The following SEMA3C variants were observed in gnomAD, a reference collection of about 807,000 sequenced individuals.
The protein encoded by SEMA3C is semaphorin 3C.
SEMA3C carries 47 observed loss-of-function variants against 89.4 expected under a neutral mutation model. That is an observed-to-expected ratio of 0.53 (90% confidence interval 0.42 to 0.67). The LOEUF is 0.67. Ranked by LOEUF, SEMA3C falls within the 30% of genes least tolerant of loss-of-function variation. SEMA3C has a pLI of 0.00. For synonymous variants in SEMA3C, 310 were observed against 320.2 expected (o/e 0.97, Z 0.34); for missense variants, 839 against 929.1 (o/e 0.90, Z 1.26).
chr7:80,885,372 T>G (rs1791450590), intron 2 of SEMA3C, among the ~76,000 whole-genome samples: 1 of 152,170 alleles, frequency 6.6e-6, no homozygotes, highest in African/African-American at 2.4e-5. Context: ...ATCCTAGCAC[T>G]TTGGGAGGCT....
chr7:80,765,208 T>C lies in SEMA3C; in HGVS notation c.1390A>G (p.Thr464Ala), dbSNP rs756116304. The part of the protein sequence containing the change: ...GTVQKVVVLP[T>A]NNSVSGELIL... ...AGCTCGCCACTGACAGAGTTGTTAG[T>C]AGGAAGAACAACCACTTTTTGCACA... Residue 464 changes from threonine (T) to alanine (A), a missense_variant, in exon 13 of 18, where the codon ACT becomes GCT. By Grantham distance (58) the Thr-to-Ala change is moderately conservative. Coordinates refer to ENST00000265361, the MANE Select transcript of SEMA3C (RefSeq NM_006379.5). 3.6e-5 allele frequency: 58 copies of C among 1,613,644 alleles called. No individual in the cohort carries two copies. The East Asian group carries it at 1.2e-3, about 32-fold the overall frequency.
At chr7:80,789,156 G>T in intron 12 of SEMA3C, 150 bp downstream of exon 12, 1 of 589,956 alleles carries the variant, frequency 1.7e-6, no homozygotes, top group Non-Finnish European at 2.9e-6. Context: ...GTGAAACTGA[G>T]GCAAAAAGAG....
upstream of SEMA3C, among the ~76,000 whole-genome samples, chr7:80,920,535 C>A (rs1233225737): frequency 6.6e-6 from 1 of 152,136 alleles, no homozygotes; most frequent in Non-Finnish European, 1.5e-5. Context: ...GGGCCCACCT[C>A]TTGTGTTCAG....
At chr7:80,750,100 C>T (rs985284040) in intron 16 of SEMA3C, among the ~76,000 whole-genome samples, 1 of 151,974 alleles carries the variant, frequency 6.6e-6, no homozygotes, top group Non-Finnish European at 1.5e-5. Flanking sequence ...AAGGAAAGCA[C>T]AGACTCAAAA....
rs751923754 is a variant in SEMA3C at position 80,745,005 on chromosome 7, T to C, written c.2145A>G (p.Gln715=). 3 of 1,614,110 alleles carry C rather than the reference T, an allele frequency of 1.9e-6. No homozygotes were observed. Among genetic ancestry groups the C allele is most frequent in the Non-Finnish European group, 1.7e-6 (2 of 1,179,978 alleles). The change falls in exon 18 of 18, where the codon CAA becomes CAG. Residue 715 remains glutamine, a synonymous_variant. Coordinates refer to ENST00000265361, the MANE Select transcript of SEMA3C (RefSeq NM_006379.5). The part of the protein sequence containing the change: ...INQYCKDTRQ[Q]HQQGDESQKM... The stretch of plus-strand genomic sequence containing the variant: ...TCTGTGATTCATCTCCCTGCTGATG[T>C]TGCTGCCGAGTGTCTTTGCAATATT...
rs538521693 is a variant in SEMA3C at position 80,865,636 on chromosome 7, GA to G, written c.104-36892del. Among the ~76,000 whole-genome samples, 517 of 151,008 alleles carry G rather than the reference GA, an allele frequency of 3.4e-3. 3 individuals carry two copies. Among genetic ancestry groups the G allele is most frequent in the African/African-American group, 0.012 (474 of 41,172 alleles). On this transcript the variant is annotated intron_variant, in intron 2 of 17. Transcript: ENST00000265361. ...AACCCCGTCTCTACTAAAAATGCAA[GA>G]AAAAAAAATTAGCCGGGTGTGGTAG...
intron 15 of SEMA3C, among the ~76,000 whole-genome samples, chr7:80,754,771 TTTGTTGTTG>T (rs201627732): frequency 2.6e-5 from 4 of 151,078 alleles, no homozygotes; most frequent in South Asian, 2.1e-4. Flanking sequence ...AAGATAGCTG[TTTGTTGTTG>T]TTGTTGTTGT....
chr7:80,905,739 TCA>T (rs1163342239), intron 2 of SEMA3C: 1 of 659,302 alleles, frequency 1.5e-6, no homozygotes, highest in Admixed American at 2.4e-5. Flanking sequence ...TTTTAAAATG[TCA>T]CCTTCTGTGA....
intron 2 of SEMA3C, among the ~76,000 whole-genome samples, chr7:80,896,732 G>A (rs144765292): frequency 7.9e-4 from 120 of 152,166 alleles, no homozygotes; most frequent in African/African-American, 2.7e-3. Context: ...CCCTATTCTG[G>A]TCCTTGCCAT....
chr7:80,786,029 T>G (rs184666403), intron 12 of SEMA3C, among the ~76,000 whole-genome samples: 1 of 152,190 alleles, frequency 6.6e-6, no homozygotes, highest in Non-Finnish European at 1.5e-5. Flanking sequence ...CGCGCTACCA[T>G]CTCTTCAGTA....
intron 2 of SEMA3C, among the ~76,000 whole-genome samples, chr7:80,859,873 A>G (rs1214498658): frequency 6.6e-6 from 1 of 151,638 alleles, no homozygotes; most frequent in East Asian, 1.9e-4. Context: ...CACCTTTCAC[A>G]TGTGTTTTGG....
chr7:80,750,457 TATATATATATATATATACACACAC>T (rs1403590210), intron 16 of SEMA3C, among the ~76,000 whole-genome samples: 2 of 66,700 alleles, frequency 3.0e-5, no homozygotes, highest in African/African-American at 1.1e-4. Flanking sequence ...TATATATATA[TATATATATATATATATACACACAC>T]ACACACACAC....
At position 80,765,188 on chromosome 7, in the gene SEMA3C, G is replaced by T. The variant is rs766668794; in HGVS notation, c.1410C>A (p.Gly470=). ...VVLPTNNSVS[G]ELILEELEVF... ...CTTCCAGCTCCTCCAGAATGAGCTC[G>T]CCACTGACAGAGTTGTTAGTAGGAA... The change falls in exon 13 of 18, where the codon GGC becomes GGA. Residue 470 remains glycine (G), a synonymous_variant. Coordinates refer to ENST00000265361, the MANE Select transcript of SEMA3C (RefSeq NM_006379.5). The T allele has an allele frequency of 5.0e-6, 8 of 1,613,488 alleles. No individual in the cohort carries two copies. The highest frequency in any genetic ancestry group is 5.9e-6 in the Non-Finnish European group (7 of 1,179,738).
intron 13 of SEMA3C, among the ~76,000 whole-genome samples, chr7:80,762,084 C>T (rs531597985): frequency 4.7e-5 from 6 of 128,096 alleles, no homozygotes; most frequent in African/African-American, 1.3e-4. Context: ...AGCAAAACTC[C>T]GTCTCAATAA....
intron 5 of SEMA3C, among the ~76,000 whole-genome samples, chr7:80,811,300 C>T (rs1182465293): frequency 1.3e-5 from 2 of 151,928 alleles, no homozygotes; most frequent in Non-Finnish European, 2.9e-5. Flanking sequence ...ACACTAAAAT[C>T]TTTGTCCTCA....
chr7:80,896,421 T>G (rs1375828903), intron 2 of SEMA3C, among the ~76,000 whole-genome samples: 3 of 152,192 alleles, frequency 2.0e-5, no homozygotes, highest in Admixed American at 2.0e-4. Flanking sequence ...AGCTAAGCCT[T>G]AGTCATAAAC....
At chr7:80,809,257 C>T (rs1312447506) in intron 6 of SEMA3C, among the ~76,000 whole-genome samples, 4 of 152,014 alleles carry the variant, frequency 2.6e-5, no homozygotes, top group Non-Finnish European at 4.4e-5. Context: ...GCTTTATTAC[C>T]ATCTCCTTTT....
In SEMA3C at chr7:80,912,150, T is replaced by TA. The variant is rs200469798; in HGVS notation, c.103+4528dup. ...TCACCTGGAACAGTAATTACTTTTTTAAACAGGAAAATATAGGCTTACACA... is the reference window on the plus strand; with the variant it reads ...TCACCTGGAACAGTAATTACTTTTTTAAAACAGGAAAATATAGGCTTACACA... On this transcript the variant is annotated intron_variant, in intron 2 of 17. Coordinates refer to ENST00000265361, the MANE Select transcript of SEMA3C (RefSeq NM_006379.5). 1.5e-3 allele frequency among the ~76,000 whole-genome samples: 224 copies of TA among 152,298 alleles called. 1 individual carries two copies. The East Asian group carries it at 0.021, about 14-fold the overall frequency.
chr7:80,784,391 G>C (rs1413410484), intron 12 of SEMA3C, among the ~76,000 whole-genome samples: 1 of 151,376 alleles, frequency 6.6e-6, no homozygotes, highest in South Asian at 2.1e-4. Context: ...TTTATAGACA[G>C]TAGTATCAGG....
Sources: gnomAD v4.1 joint callset for allele counts (sites outside exome capture counted in the v4.1 genomes callset) on GRCh38, gnomAD v4.1.1 for gene constraint, MANE v1.5 for transcripts, NCBI Gene and HGNC (gene_info 2026-07-23, HGNC 2026-07-21) for gene names.